The following FHIP1A variants were observed in gnomAD, a reference collection of about 807,000 sequenced individuals.
FHIP1A encodes the protein FHF complex subunit HOOK interacting protein 1A, also known as FHF complex subunit HOOK-interacting protein 1A.
Under a neutral mutation model 88.6 loss-of-function variants are expected in FHIP1A, and 61 were observed. The ratio of observed to expected loss-of-function variants is 0.69; its 90% CI spans 0.56 to 0.85. The LOEUF (loss-of-function observed/expected upper bound fraction) is 0.85. Among genes scored for constraint, FHIP1A ranks in the 40% least tolerant of loss-of-function variants. The pLI is 0.00. For missense variants in FHIP1A, 1,154 were observed against 1,273.5 expected (o/e 0.91, Z 1.43); for synonymous variants, 478 against 496.0 (o/e 0.96, Z 0.48).
At chr4:151,532,800 G>T (rs1030655973) in intron 3 of FHIP1A, among the ~76,000 whole-genome samples, 1 of 152,132 alleles carries the variant, frequency 6.6e-6, no homozygotes, top group Admixed American at 6.6e-5. Context: ...GGCGGGAGGT[G>T]AAAGGGACTT....
In FHIP1A at chr4:151,649,872, A is replaced by C. The variant is rs960126105; in HGVS notation, c.1831A>C (p.Ile611Leu). ...DLEVSGPPAPIDPPKHIQEMK... is the reference protein window; with the variant it reads ...DLEVSGPPAPLDPPKHIQEMK... ...GGAGGTTTCAGGCCCCCCAGCACCC[A>C]TTGATCCCCCCAAACACATCCAGGA... Residue 611 changes from isoleucine to leucine, a missense_variant, in exon 11 of 14, where the codon ATT becomes CTT. Ile to Leu is a conservative substitution (Grantham distance 5). Transcript: ENST00000435205. 29 of 1,551,244 alleles carry C rather than the reference A, an allele frequency of 1.9e-5. No homozygotes were observed. The highest frequency in any genetic ancestry group is 3.9e-5 in the Admixed American group (2 of 50,968).
At chr4:151,592,022 G>C (rs1219722276) in intron 7 of FHIP1A, among the ~76,000 whole-genome samples, 3 of 152,164 alleles carry the variant, frequency 2.0e-5, no homozygotes, top group African/African-American at 7.2e-5. Context: ...TCTGGTTCTA[G>C]ATCCTTGAGG....
chr4:151,426,136 T>C (rs951051583), intron 1 of FHIP1A, among the ~76,000 whole-genome samples: 3 of 152,106 alleles, frequency 2.0e-5, no homozygotes, highest in Non-Finnish European at 4.4e-5. Flanking sequence ...AAGATTATAG[T>C]TGGCTGAATC....
intron 2 of FHIP1A, among the ~76,000 whole-genome samples, chr4:151,480,738 G>T (rs1370137607): frequency 6.6e-6 from 1 of 151,994 alleles, no homozygotes; most frequent in Non-Finnish European, 1.5e-5. Context: ...CATGCAAAAC[G>T]TTATCCTTTA....
At chr4:151,563,402 A>G (rs902259950) in intron 3 of FHIP1A, among the ~76,000 whole-genome samples, 3 of 152,170 alleles carry the variant, frequency 2.0e-5, no homozygotes, top group Non-Finnish European at 4.4e-5. Context: ...TCTCTCAGGC[A>G]TGAAATTTGA....
chr4:151,587,788 T>C (rs758758905), intron 6 of FHIP1A, among the ~76,000 whole-genome samples: 1 of 152,088 alleles, frequency 6.6e-6, no homozygotes, highest in Admixed American at 6.5e-5. Flanking sequence ...TATTGCTAAG[T>C]CAAAGAAAGT....
chr4:151,470,688 G>A (rs1209157834), intron 2 of FHIP1A, among the ~76,000 whole-genome samples: 1 of 152,138 alleles, frequency 6.6e-6, no homozygotes. Flanking sequence ...AATACAATGA[G>A]AATAAAGAGA....
chr4:151,557,233 G>A (rs929771935), intron 3 of FHIP1A, among the ~76,000 whole-genome samples: 2 of 152,114 alleles, frequency 1.3e-5, no homozygotes, highest in African/African-American at 4.8e-5. Flanking sequence ...CAACTCCTTT[G>A]ATTTTAGAAG....
intron 1 of FHIP1A, among the ~76,000 whole-genome samples, chr4:151,434,191 C>A (rs922088987): frequency 9.9e-5 from 15 of 152,134 alleles, no homozygotes; most frequent in Non-Finnish European, 1.5e-5. Context: ...TTTATCCTGG[C>A]CACATTCTTC....
intron 9 of FHIP1A, among the ~76,000 whole-genome samples, 165 bp downstream of exon 9, chr4:151,638,921 T>G (rs1256592260): frequency 2.6e-5 from 4 of 152,222 alleles, no homozygotes; most frequent in Non-Finnish European, 4.4e-5. Context: ...ATTAATTTAT[T>G]TTTTGCATTG....
intron 5 of FHIP1A, among the ~76,000 whole-genome samples, chr4:151,586,077 G>C (rs895532585): frequency 1.3e-5 from 2 of 152,188 alleles, no homozygotes; most frequent in South Asian, 4.2e-4. Context: ...GAAGTGCTTT[G>C]TAAACTGCAA....
chr4:151,654,484 A>G (rs1048041110), intron 11 of FHIP1A, among the ~76,000 whole-genome samples: 1 of 152,160 alleles, frequency 6.6e-6, no homozygotes, highest in Non-Finnish European at 1.5e-5. Context: ...TTATGGTCAT[A>G]TGTTTTACAG....
chr4:151,548,693 G>A (rs1732603214), intron 3 of FHIP1A, among the ~76,000 whole-genome samples: 1 of 151,980 alleles, frequency 6.6e-6, no homozygotes. Context: ...AGGCTGAGGT[G>A]GATAGATCAC....
At chr4:151,564,398 A>G (rs1262438547) in intron 3 of FHIP1A, among the ~76,000 whole-genome samples, 1 of 151,986 alleles carries the variant, frequency 6.6e-6, no homozygotes, top group South Asian at 2.1e-4. Context: ...ATCTCTTATC[A>G]TTTAAAACAA....
intron 3 of FHIP1A, among the ~76,000 whole-genome samples, chr4:151,554,062 C>T (rs192060943): frequency 6.6e-6 from 1 of 152,292 alleles, no homozygotes; most frequent in East Asian, 1.9e-4. Context: ...GGCTCCCATC[C>T]AGTCCTCCCA....
chr4:151,638,350 T>TGTGTGTGTGTGTGTGTGA (rs1553961911), intron 8 of FHIP1A, among the ~76,000 whole-genome samples: 1 of 150,084 alleles, frequency 6.7e-6, no homozygotes, highest in Non-Finnish European at 1.5e-5. Flanking sequence ...TGTGTGTATG[T>TGTGTGTGTGTGTGTGTGA]GAGAGAGAGA....
chr4:151,539,420 C>T (rs888161123), intron 3 of FHIP1A, among the ~76,000 whole-genome samples: 2 of 151,834 alleles, frequency 1.3e-5, no homozygotes, highest in Admixed American at 6.6e-5. Context: ...AAAAATTAGC[C>T]GGGCATGATG....
chr4:151,492,590 T>TAA (rs1362362798), intron 3 of FHIP1A, among the ~76,000 whole-genome samples: 1 of 118,778 alleles, frequency 8.4e-6, no homozygotes, highest in Admixed American at 8.5e-5. Flanking sequence ...AGGCTGTGTC[T>TAA]CAAAAAAAAA....
intron 7 of FHIP1A, among the ~76,000 whole-genome samples, chr4:151,608,740 C>T (rs990958278): frequency 2.0e-5 from 3 of 152,204 alleles, no homozygotes; most frequent in African/African-American, 7.2e-5. Flanking sequence ...ATGGTAATCC[C>T]CACCTTGTCA....
Sources: gnomAD v4.1 joint callset for allele counts (sites outside exome capture counted in the v4.1 genomes callset) on GRCh38, gnomAD v4.1.1 for gene constraint, MANE v1.5 for transcripts, NCBI Gene and HGNC (gene_info 2026-07-23, HGNC 2026-07-21) for gene names.